Variants in CORIN observed in about 807,000 individuals in gnomAD.
CORIN encodes the protein corin, serine peptidase, also known as atrial natriuretic peptide-converting enzyme.
CORIN carries 117 observed loss-of-function variants against 125.3 expected under a neutral mutation model. That is an observed-to-expected ratio of 0.93 (90% CI 0.80 to 1.09). The LOEUF (loss-of-function observed/expected upper bound fraction) is 1.09. CORIN is among the 50% of genes least tolerant of loss of function. The pLI is 0.00. For missense variants in CORIN, 1,253 were observed against 1,306.7 expected (o/e 0.96, Z 0.63); for synonymous variants, 450 against 466.4 (o/e 0.96, Z 0.45).
At chr4:47,751,490 C>A (rs1198898148) in intron 4 of CORIN, among the ~76,000 whole-genome samples, 2 of 152,116 alleles carry the variant, frequency 1.3e-5, no homozygotes, top group Non-Finnish European at 2.9e-5. Flanking sequence ...AAAAATTAAG[C>A]CAGCTGTACT....
intron 19 of CORIN, among the ~76,000 whole-genome samples, chr4:47,622,277 C>T (rs1722352861): frequency 1.3e-5 from 2 of 151,584 alleles, no homozygotes; most frequent in African/African-American, 4.8e-5. Flanking sequence ...GGTTCCAAGT[C>T]CTTGCTATTG....
At chr4:47,687,743 C>G (rs1176711577) in intron 6 of CORIN, among the ~76,000 whole-genome samples, 1 of 152,068 alleles carries the variant, frequency 6.6e-6, no homozygotes, top group Non-Finnish European at 1.5e-5. Context: ...ATGGAAAGGA[C>G]CAGAGGTTAT....
At chr4:47,631,217 T>G (rs932439393) in intron 16 of CORIN, among the ~76,000 whole-genome samples, 1 of 152,142 alleles carries the variant, frequency 6.6e-6, no homozygotes, top group African/African-American at 2.4e-5. Context: ...TCTACAGACA[T>G]TCCAAATGTC....
chr4:47,835,897 G>A (rs1036753415), intron 1 of CORIN, among the ~76,000 whole-genome samples: 1 of 152,148 alleles, frequency 6.6e-6, no homozygotes, highest in Non-Finnish European at 1.5e-5. Context: ...AAGGTTAATA[G>A]AGCAATTCTT....
chr4:47,759,359 G>A (rs1442699657), intron 4 of CORIN, among the ~76,000 whole-genome samples: 1 of 152,058 alleles, frequency 6.6e-6, no homozygotes, highest in African/African-American at 2.4e-5. Context: ...AGCAAAAGTA[G>A]ACAAATGAGA....
chr4:47,805,147 A>AAT lies in CORIN; in HGVS notation c.208+1755_208+1756insAT, dbSNP rs1476203589. 4.8e-3 allele frequency among the ~76,000 whole-genome samples: 708 copies of AAT among 146,418 alleles called. 5 individuals are homozygous for AAT. Among genetic ancestry groups the AAT allele is most frequent in the Admixed American group, 7.8e-3 (115 of 14,772 alleles). On this transcript the variant is annotated intron_variant, in intron 2 of 21. Coordinates refer to ENST00000273857, the MANE Select transcript of CORIN (RefSeq NM_006587.4). ...CGAGACTCCATCTCAAAAAAAAAAA[A>AAT]AAATAATAATAATAATAATAATAAT...
chr4:47,818,704 C>T lies in CORIN; in HGVS notation c.64-11657G>A, dbSNP rs73137919. ...CCTGGGCAACATGGCAAAAACTCGT[C>T]TCTAACAAAAATGCAAAAATTAGCC... On this transcript the variant is annotated intron_variant, in intron 1 of 21. Transcript: ENST00000273857. Among the ~76,000 whole-genome samples, 143 of 152,014 alleles carry T rather than the reference C, an allele frequency of 9.4e-4. 1 individual carries two copies. Among genetic ancestry groups the T allele is most frequent in the African/African-American group, 3.3e-3 (138 of 41,464 alleles).
Position 47,661,841 on chromosome 4 carries a change from G to A in CORIN, c.1605C>T (p.His535=), listed in dbSNP as rs1724262048. The A allele has an allele frequency of 6.2e-7, 1 of 1,608,218 alleles. No individual in the cohort carries two copies. Among genetic ancestry groups the A allele is most frequent in the Non-Finnish European group, 8.5e-7 (1 of 1,176,204 alleles). Reference sequence around the variant, plus strand: ...GAACAGACTCACAGCGTTCTTTAGAGTGTTCACACAATGCCCTAGATGAAC... The same window carrying A: ...GAACAGACTCACAGCGTTCTTTAGAATGTTCACACAATGCCCTAGATGAAC... ...HIPPCRALCE[H]SKERCESVLG... is the part of the protein sequence containing the mutation. Residue 535 remains histidine (H), a synonymous_variant, in exon 12 of 22, where the codon CAC becomes CAT. Coordinates refer to ENST00000273857, the MANE Select transcript of CORIN (RefSeq NM_006587.4).
At chr4:47,786,272 C>T (rs138782566) in intron 3 of CORIN, among the ~76,000 whole-genome samples, 2,823 of 152,146 alleles carry the variant, frequency 0.019, 46 homozygotes, top group Middle Eastern at 0.037. Context: ...CGGTGGCTCA[C>T]GCCTGTAATC....
intron 13 of CORIN, among the ~76,000 whole-genome samples, chr4:47,652,015 A>G (rs62299169): frequency 0.091 from 13,853 of 152,204 alleles, 708 homozygotes; most frequent in East Asian, 0.17. Context: ...GAACCATCTA[A>G]GATAATCTAT....
intron 19 of CORIN, among the ~76,000 whole-genome samples, chr4:47,610,890 T>A (rs1721841993): frequency 6.6e-6 from 1 of 152,206 alleles, no homozygotes; most frequent in South Asian, 2.1e-4. Context: ...TTGTTGAAGA[T>A]CAGATGGTTG....
At chr4:47,743,299 G>C (rs1450423457) in intron 5 of CORIN, among the ~76,000 whole-genome samples, 1 of 152,072 alleles carries the variant, frequency 6.6e-6, no homozygotes, top group Non-Finnish European at 1.5e-5. Flanking sequence ...GCAAGCCATA[G>C]GGCATGAGAT....
chr4:47,656,540 C>T (rs950169266), intron 12 of CORIN, among the ~76,000 whole-genome samples: 1 of 152,108 alleles, frequency 6.6e-6, no homozygotes, highest in Non-Finnish European at 1.5e-5. Flanking sequence ...GGACAAAAAT[C>T]ATATGATCAT....
rs116698961 is a variant in CORIN at position 47,722,028 on chromosome 4, C to T, written c.799+22374G>A. 3.6e-3 allele frequency among the ~76,000 whole-genome samples: 554 copies of T among 152,308 alleles called. 2 individuals carry two copies. The highest frequency in any genetic ancestry group is 6.0e-3 in the Non-Finnish European group (409 of 68,024). On this transcript the variant is annotated intron_variant, in intron 5 of 21. Coordinates refer to ENST00000273857, the MANE Select transcript of CORIN (RefSeq NM_006587.4). ...ACCAGCTTCTAACATTTAGCTATTCCGTCTTCACAATTTCAGCATTTTTCT... is the reference window on the plus strand; with the variant it reads ...ACCAGCTTCTAACATTTAGCTATTCTGTCTTCACAATTTCAGCATTTTTCT...
At chr4:47,634,498 G>C (rs955876115) in intron 16 of CORIN, among the ~76,000 whole-genome samples, 2 of 152,156 alleles carry the variant, frequency 1.3e-5, no homozygotes, top group African/African-American at 4.8e-5. Flanking sequence ...GCCAGGCATG[G>C]TGGTGAGTGC....
chr4:47,727,182 A>G, intron 5 of CORIN, among the ~76,000 whole-genome samples: 1 of 152,072 alleles, frequency 6.6e-6, no homozygotes, highest in Admixed American at 6.5e-5. Flanking sequence ...ATAAATCATT[A>G]CTATTTGCTT....
Position 47,684,290 on chromosome 4 carries a change from T to C in CORIN, c.914-452A>G, listed in dbSNP as rs996914734. Among the ~76,000 whole-genome samples the C allele has an allele frequency of 4.6e-5, 7 of 152,330 alleles. 1 individual carries two copies. Among genetic ancestry groups the C allele is most frequent in the South Asian group, 4.1e-4 (2 of 4,826 alleles). On this transcript the variant is annotated intron_variant, in intron 6 of 21. Transcript: ENST00000273857. ...TATGGAGTTATTATTTCCTTTCACA[T>C]AAACATTACTGCTTAAGTCAATTGA...
At chr4:47,609,588 T>A (rs1577733695) in intron 19 of CORIN, among the ~76,000 whole-genome samples, 1 of 71,742 alleles carries the variant, frequency 1.4e-5, no homozygotes, top group Non-Finnish European at 3.3e-5. Flanking sequence ...GGTAAACGGA[T>A]TTTTTTTTTC....
At chr4:47,706,763 G>T (rs1006247837) in intron 5 of CORIN, 4 of 1,599,706 alleles carry the variant, frequency 2.5e-6, no homozygotes, top group African/African-American at 1.3e-5. Context: ...CAAATTTTTT[G>T]AGGTTATCCT....
Sources: gnomAD v4.1 joint callset for allele counts (sites outside exome capture counted in the v4.1 genomes callset) on GRCh38, gnomAD v4.1.1 for gene constraint, MANE v1.5 for transcripts, NCBI Gene and HGNC (gene_info 2026-07-23, HGNC 2026-07-21) for gene names.